Variants in CSRNP3 observed in about 807,000 individuals in gnomAD.
CSRNP3 encodes the protein cysteine and serine rich nuclear protein 3, also known as cysteine/serine-rich nuclear protein 3.
CSRNP3 carries 12 observed loss-of-function variants against 48.0 expected under a neutral mutation model. The ratio of observed to expected loss-of-function variants is 0.25; its 90% confidence interval spans 0.16 to 0.41. CSRNP3 has a LOEUF of 0.41. CSRNP3 is among the 10% of genes least tolerant of loss of function. The pLI is 1.00. For missense variants in CSRNP3, 580 were observed against 724.4 expected (o/e 0.80, Z 2.29); for synonymous variants, 263 against 269.7 (o/e 0.98, Z 0.24).
chr2:165,592,927 A>G (rs1275432649), intron 3 of CSRNP3, among the ~76,000 whole-genome samples: 4 of 145,324 alleles, frequency 2.8e-5, no homozygotes, highest in Non-Finnish European at 1.5e-5. Context: ...TCAGCCTCCC[A>G]AGTAGCTGGG....
At chr2:165,482,789 A>G (rs1684064756) in intron 1 of CSRNP3, among the ~76,000 whole-genome samples, 1 of 152,160 alleles carries the variant, frequency 6.6e-6, no homozygotes, top group African/African-American at 2.4e-5. Context: ...GTTTCCCTCC[A>G]GCCTCTCAGA....
intron 2 of CSRNP3, among the ~76,000 whole-genome samples, chr2:165,506,983 A>G (rs1236655270): frequency 6.6e-6 from 1 of 152,184 alleles, no homozygotes; most frequent in Non-Finnish European, 1.5e-5. Flanking sequence ...CATATTAGTA[A>G]TTCACTTTGA....
At chr2:165,543,079 G>T (rs971974057) in intron 3 of CSRNP3, among the ~76,000 whole-genome samples, 2 of 152,058 alleles carry the variant, frequency 1.3e-5, no homozygotes, top group African/African-American at 4.8e-5. Flanking sequence ...GTGACAGTTA[G>T]CTGGCTTCCT....
chr2:165,567,801 C>T (rs1392887337), intron 3 of CSRNP3, among the ~76,000 whole-genome samples: 3 of 151,922 alleles, frequency 2.0e-5, no homozygotes, highest in South Asian at 2.1e-4. Flanking sequence ...CTGTCCACTG[C>T]GTACTTTATT....
rs1327210966 is a variant in CSRNP3, at chr2:165,688,179, A to C, written c.*8426A>C. ...CATAGTTTGTGAAACATGTTTCAAA[A>C]GTGTTTGATGTATAATAAATGCTAG... On this transcript the variant is annotated 3_prime_UTR_variant, in exon 7 of 7. Transcript: ENST00000651982. 6.6e-6 allele frequency: 1 copy of C among 152,130 alleles called. No homozygotes were observed. Among genetic ancestry groups the C allele is most frequent in the Non-Finnish European group, 1.5e-5 (1 of 68,016 alleles). The allele number at this position is 152,130 out of a possible 1,614,324, so 9.4% of individuals were successfully genotyped here.
chr2:165,611,210 A>G (rs748189597), intron 4 of CSRNP3, among the ~76,000 whole-genome samples: 1 of 150,682 alleles, frequency 6.6e-6, no homozygotes, highest in Non-Finnish European at 1.5e-5. Flanking sequence ...GAAAAAGTGT[A>G]GTAAGCAAGG....
intron 3 of CSRNP3, among the ~76,000 whole-genome samples, chr2:165,558,798 A>T (rs1441253076): frequency 1.3e-5 from 2 of 152,234 alleles, no homozygotes; most frequent in Non-Finnish European, 2.9e-5. Context: ...GCCAGCACTC[A>T]GTTATCTAAT....
intron 3 of CSRNP3, among the ~76,000 whole-genome samples, chr2:165,590,818 T>G (rs1303729728): frequency 6.6e-6 from 1 of 152,216 alleles, no homozygotes; most frequent in Non-Finnish European, 1.5e-5. Flanking sequence ...GTGAGTCAAT[T>G]AAACCTCTTT....
chr2:165,590,535 T>C (rs1685699174), intron 3 of CSRNP3, among the ~76,000 whole-genome samples: 1 of 152,224 alleles, frequency 6.6e-6, no homozygotes, highest in South Asian at 2.1e-4. Context: ...TTTGGCTGTG[T>C]TCCCACCCAA....
intron 3 of CSRNP3, among the ~76,000 whole-genome samples, chr2:165,585,321 A>G (rs1685610758): frequency 6.6e-6 from 1 of 151,796 alleles, no homozygotes. Context: ...CCAGTAGACC[A>G]TCTGGTTGAT....
intron 1 of CSRNP3, among the ~76,000 whole-genome samples, chr2:165,489,187 G>T (rs965467629): frequency 2.0e-5 from 3 of 151,282 alleles, no homozygotes; most frequent in African/African-American, 7.3e-5. Context: ...AAATAAACTA[G>T]AAAATCTAGA....
At chr2:165,654,605 A>T (rs1686971751) in intron 4 of CSRNP3, among the ~76,000 whole-genome samples, 2 of 151,958 alleles carry the variant, frequency 1.3e-5, no homozygotes, top group African/African-American at 2.4e-5. Context: ...AGGGATCATC[A>T]TCTGTGTATT....
intron 5 of CSRNP3, among the ~76,000 whole-genome samples, chr2:165,668,423 A>G (rs1252626846): frequency 8.8e-5 from 4 of 45,596 alleles, no homozygotes. Context: ...TTTTTTTTTG[A>G]GACAGAGTCT....
chr2:165,538,155 A>G (rs1290605769), intron 3 of CSRNP3, among the ~76,000 whole-genome samples: 1 of 151,982 alleles, frequency 6.6e-6, no homozygotes, highest in Admixed American at 6.6e-5. Flanking sequence ...TTCATCCCAC[A>G]ACACAGGAAT....
chr2:165,549,611 C>A (rs1685072902), intron 3 of CSRNP3, among the ~76,000 whole-genome samples: 1 of 152,042 alleles, frequency 6.6e-6, no homozygotes, highest in Admixed American at 6.6e-5. Flanking sequence ...TTTAAATCTT[C>A]ACAAAATCAC....
intron 5 of CSRNP3, among the ~76,000 whole-genome samples, chr2:165,666,951 A>G (rs970899105): frequency 3.2e-5 from 2 of 62,088 alleles, no homozygotes; most frequent in East Asian, 4.0e-4. Context: ...AGAAAGAGAG[A>G]GAGGAAGGAA....
rs1413114985 is a variant in CSRNP3 at position 165,684,901 on chromosome 2, CA to C, written c.*5151del. The stretch of plus-strand genomic sequence containing the variant: ...TATTACATCATAAAGACTAGAGTTA[CA>C]AATGGCAGCCCCAAACCTAGAAGGG... On this transcript the variant is annotated 3_prime_UTR_variant, in exon 7 of 7. Coordinates refer to ENST00000651982, the MANE Select transcript of CSRNP3 (RefSeq NM_001172173.2). The C allele has an allele frequency of 6.6e-6, 1 of 151,972 alleles. No homozygotes were observed. The highest frequency in any genetic ancestry group is 1.9e-4 in the East Asian group (1 of 5,182). 9.4% of individuals were successfully genotyped at this position (151,972 alleles called of 1,614,324 possible).
At chr2:165,633,568 T>C (rs182654606) in intron 4 of CSRNP3, among the ~76,000 whole-genome samples, 1 of 152,250 alleles carries the variant, frequency 6.6e-6, no homozygotes, top group Admixed American at 6.5e-5. Flanking sequence ...ATCTCCCAGC[T>C]CACAAGCTTT....
chr2:165,558,645 T>A (rs1685192558), intron 3 of CSRNP3, among the ~76,000 whole-genome samples: 2 of 152,206 alleles, frequency 1.3e-5, no homozygotes, highest in Non-Finnish European at 2.9e-5. Context: ...TTTACTCTGA[T>A]TAGCCAAATC....
Sources: allele counts gnomAD v4.1 joint callset (sites outside exome capture counted in the v4.1 genomes callset), GRCh38; gene constraint gnomAD v4.1.1; transcripts MANE v1.5; gene names NCBI Gene and HGNC (gene_info 2026-07-23, HGNC 2026-07-21).